The following HDAC4 variants were observed in gnomAD, a reference collection of about 807,000 sequenced individuals.
The protein encoded by HDAC4 is histone deacetylase 4.
Under a neutral mutation model 135.1 loss-of-function variants are expected in HDAC4, and 16 were observed. The observed-to-expected ratio is 0.12, with a 90% CI of 0.08 to 0.18. HDAC4 has a LOEUF of 0.18. Among genes scored for constraint, HDAC4 ranks in the 10% least tolerant of loss-of-function variants. The probability of loss-of-function intolerance (pLI) is 1.00; values close to 1 mark genes in which losing one functional copy is unlikely to be tolerated. For synonymous variants in HDAC4, 685 were observed against 653.4 expected (o/e 1.05, Z -0.74); for missense variants, 1,143 against 1,511.8 (o/e 0.76, Z 4.05).
intron 22 of HDAC4, among the ~76,000 whole-genome samples, chr2:239,077,190 C>A (rs565144696): frequency 6.6e-6 from 1 of 152,252 alleles, no homozygotes; most frequent in Non-Finnish European, 1.5e-5. Context: ...GTCAGAGGCC[C>A]CGATAGAGCC....
intron 2 of HDAC4, among the ~76,000 whole-genome samples, chr2:239,266,025 G>A (rs2049705825): frequency 1.3e-5 from 2 of 152,180 alleles, no homozygotes; most frequent in African/African-American, 2.4e-5. Context: ...CCCCCTCTAA[G>A]GACAGGGAGG....
intron 2 of HDAC4, among the ~76,000 whole-genome samples, chr2:239,258,922 C>A (rs973048683): frequency 6.6e-6 from 1 of 152,106 alleles, no homozygotes; most frequent in Non-Finnish European, 1.5e-5. Context: ...ATGCTTTTCA[C>A]AAGGAAATAT....
At chr2:239,366,392 G>A (rs1008025376) in intron 1 of HDAC4, among the ~76,000 whole-genome samples, 7 of 152,214 alleles carry the variant, frequency 4.6e-5, no homozygotes, top group Admixed American at 1.3e-4. Context: ...GAAAACAGAC[G>A]TCAGCACTGA....
chr2:239,237,593 C>A (rs531346855), intron 2 of HDAC4, among the ~76,000 whole-genome samples: 127 of 143,206 alleles, frequency 8.9e-4, no homozygotes, highest in Non-Finnish European at 1.1e-3. Context: ...AAAAAAAAAA[C>A]CCATTTTTTT....
At chr2:239,124,002 C>T (rs183415627) in intron 12 of HDAC4, among the ~76,000 whole-genome samples, 15 of 145,526 alleles carry the variant, frequency 1.0e-4, no homozygotes, top group Middle Eastern at 3.5e-3. Context: ...AGGGAAGCAA[C>T]GGGGGTGGGG....
chr2:239,356,549 G>T (rs1235515589), intron 1 of HDAC4, among the ~76,000 whole-genome samples: 1 of 152,152 alleles, frequency 6.6e-6, no homozygotes, highest in Non-Finnish European at 1.5e-5. Flanking sequence ...TTAAAATATA[G>T]AAATAGATTA....
chr2:239,216,484 T>G (rs2046647283), intron 3 of HDAC4, among the ~76,000 whole-genome samples: 1 of 152,250 alleles, frequency 6.6e-6, no homozygotes, highest in Admixed American at 6.5e-5. Flanking sequence ...AGGTGCTCAC[T>G]GTCCACACCT....
chr2:239,129,636 G>A (rs1301373576), intron 11 of HDAC4, among the ~76,000 whole-genome samples: 1 of 152,216 alleles, frequency 6.6e-6, no homozygotes, highest in Non-Finnish European at 1.5e-5. Context: ...CTGGCTCCTG[G>A]TGCTGGACGG....
At chr2:239,206,429 T>G (rs1311940256) in intron 3 of HDAC4, among the ~76,000 whole-genome samples, 1 of 152,118 alleles carries the variant, frequency 6.6e-6, no homozygotes, top group African/African-American at 2.4e-5. Context: ...TGGGTATGGC[T>G]GGTTGCCTCC....
At chr2:239,080,433 T>G (rs1395292367) in intron 22 of HDAC4, among the ~76,000 whole-genome samples, 1 of 152,224 alleles carries the variant, frequency 6.6e-6, no homozygotes, top group Non-Finnish European at 1.5e-5. Context: ...TGGACGCCCG[T>G]CACTCCACCA....
chr2:239,060,316 G>C (rs2032493862), intron 24 of HDAC4, among the ~76,000 whole-genome samples: 1 of 152,184 alleles, frequency 6.6e-6, no homozygotes, highest in Non-Finnish European at 1.5e-5. Flanking sequence ...GACTCACACA[G>C]GCTGGTCACC....
chr2:239,338,898 A>C (rs1692114435), intron 2 of HDAC4, among the ~76,000 whole-genome samples: 1 of 152,160 alleles, frequency 6.6e-6, no homozygotes, highest in African/African-American at 2.4e-5. Context: ...TTCTACCAAA[A>C]GCGTAGGTTC....
chr2:239,133,973 A>G (rs986366772), intron 11 of HDAC4, among the ~76,000 whole-genome samples: 7 of 152,256 alleles, frequency 4.6e-5, no homozygotes, highest in Non-Finnish European at 5.9e-5. Context: ...CCAGACAGAA[A>G]CCCAAATCGC....
chr2:239,334,467 G>A (rs2125833642), intron 2 of HDAC4, among the ~76,000 whole-genome samples: 1 of 152,198 alleles, frequency 6.6e-6, no homozygotes, highest in African/African-American at 2.4e-5. Context: ...GTTGCAGTGA[G>A]TTGAGATTGT....
chr2:239,238,075 T>C (rs972840868), intron 2 of HDAC4, among the ~76,000 whole-genome samples: 5 of 152,062 alleles, frequency 3.3e-5, no homozygotes, highest in Admixed American at 2.6e-4. Context: ...TCAAAGAACA[T>C]GGCCACCTTA....
intron 2 of HDAC4, among the ~76,000 whole-genome samples, chr2:239,274,189 C>T (rs961381770): frequency 3.3e-5 from 5 of 152,122 alleles, no homozygotes; most frequent in African/African-American, 4.8e-5. Flanking sequence ...TAGATTTGGA[C>T]GGGGGTATCA....
intron 2 of HDAC4, among the ~76,000 whole-genome samples, chr2:239,250,899 C>T (rs754063349): frequency 7.9e-5 from 12 of 152,328 alleles, no homozygotes; most frequent in Non-Finnish European, 7.3e-5. Flanking sequence ...TTGGCGGGAT[C>T]CTCCCCTCTG....
intron 2 of HDAC4, among the ~76,000 whole-genome samples, chr2:239,254,246 A>G (rs1403606): frequency 0.19 from 29,025 of 152,094 alleles, 3,335 homozygotes; most frequent in African/African-American, 0.32. Flanking sequence ...GGATGAGAGG[A>G]AGGGAGGGAG....
At chr2:239,265,936 G>A (rs6742576) in intron 2 of HDAC4, among the ~76,000 whole-genome samples, 28,030 of 152,140 alleles carry the variant, frequency 0.18, 3,145 homozygotes, top group East Asian at 0.42. Flanking sequence ...CTGGTGGGAT[G>A]AGGTGAGGCC....
Sources: gnomAD v4.1 joint callset for allele counts (sites outside exome capture counted in the v4.1 genomes callset) on GRCh38, gnomAD v4.1.1 for gene constraint, MANE v1.5 for transcripts, NCBI Gene and HGNC (gene_info 2026-07-23, HGNC 2026-07-21) for gene names.